Variants in UBE2W observed in about 807,000 individuals in gnomAD.
UBE2W encodes ubiquitin conjugating enzyme E2 W.
A neutral mutation model predicts 27.2 loss-of-function variants in UBE2W; 18 were observed. That is an observed-to-expected ratio of 0.66 (90% CI 0.46 to 0.98). UBE2W has a LOEUF of 0.98. Among genes scored for constraint, UBE2W ranks in the 50% least tolerant of loss-of-function variants. The pLI is 0.00. For synonymous variants in UBE2W, 53 were observed against 57.2 expected, an observed-to-expected ratio of 0.93 and a Z score of 0.33; for missense variants, 90 against 180.2, an observed-to-expected ratio of 0.50 and a Z score of 2.87.
intron 1 of UBE2W, chr8:73,870,399 A>T: frequency 8.4e-7 from 1 of 1,186,318 alleles, no homozygotes; most frequent in East Asian, 2.6e-5. Context: ...TCAGAAAAAA[A>T]AAAAAGACAA....
chr8:73,875,726 T>A (rs1271369858), intron 1 of UBE2W, among the ~76,000 whole-genome samples: 1 of 152,172 alleles, frequency 6.6e-6, no homozygotes, highest in Admixed American at 6.5e-5. Context: ...TTCCATGCTT[T>A]TTCTCCACTG....
chr8:73,860,934 A>AC (rs1329994809), intron 1 of UBE2W, among the ~76,000 whole-genome samples: 1 of 152,108 alleles, frequency 6.6e-6, no homozygotes, highest in African/African-American at 2.4e-5. Flanking sequence ...AGAGTTTGAG[A>AC]CCAACCTGGG....
Position 73,788,534 on chromosome 8 carries a change from T to C in UBE2W, c.*5568A>G. ...TGCCTTTACATAAACAATCTGTGGT[T>C]AACTATGAAAAGATGCATTTTCATG... On this transcript the variant is annotated 3_prime_UTR_variant, in exon 6 of 6. Transcript: ENST00000602593. 3.0e-6 allele frequency: 3 copies of C among 985,448 alleles called. No individual in the cohort carries two copies. The highest frequency in any genetic ancestry group is 3.6e-6 in the Non-Finnish European group (3 of 829,920). The allele number at this position is 985,448 out of a possible 1,614,324, so 61.0% of individuals were successfully genotyped here. A position where few individuals can be genotyped will look rare whatever the true frequency, so the allele number is the denominator to read the frequency against.
intron 1 of UBE2W, among the ~76,000 whole-genome samples, chr8:73,862,319 G>T (rs1811564537): frequency 6.6e-6 from 1 of 152,134 alleles, no homozygotes. Flanking sequence ...AATCCATCTT[G>T]AATTGATTTT....
chr8:73,785,616 C>T (rs542187556), downstream of UBE2W, among the ~76,000 whole-genome samples: 151 of 151,714 alleles, frequency 1.0e-3, no homozygotes, highest in African/African-American at 2.8e-3. Flanking sequence ...CTTTTAGAGA[C>T]GGAATCTCGC....
chr8:73,833,120 G>C (rs2130913146), intron 1 of UBE2W, among the ~76,000 whole-genome samples: 1 of 148,430 alleles, frequency 6.7e-6, no homozygotes, highest in East Asian at 2.0e-4. Context: ...GGGAGGCAGA[G>C]GTTGCAGTGA....
intron 1 of UBE2W, among the ~76,000 whole-genome samples, chr8:73,847,122 T>C (rs1039412144): frequency 1.1e-4 from 16 of 152,096 alleles, no homozygotes; most frequent in African/African-American, 2.7e-4. Context: ...TGAGCCAAGA[T>C]TGCGCCACCG....
Position 73,787,773 on chromosome 8 carries a change from G to A in UBE2W, c.*6329C>T, listed in dbSNP as rs1415918050. ...TCCAGAAAGCATCCAGAAGTTCTTA[G>A]AGTATGCCCTTAATTGTACAACTTG... On this transcript the variant is annotated 3_prime_UTR_variant, in exon 6 of 6. Coordinates refer to ENST00000602593, the MANE Select transcript of UBE2W (RefSeq NM_018299.6). 5 of 985,284 alleles carry A rather than the reference G, an allele frequency of 5.1e-6. No homozygotes were observed. In the African/African-American group the frequency reaches 8.7e-5, roughly 17 times the overall value. 61.0% of individuals were successfully genotyped at this position (985,284 alleles called of 1,614,324 possible). A position where few individuals can be genotyped will look rare whatever the true frequency, so the allele number is the denominator to read the frequency against.
Position 73,788,238 on chromosome 8 carries a change from T to G in UBE2W, c.*5864A>C. On this transcript the variant is annotated 3_prime_UTR_variant, in exon 6 of 6. Coordinates refer to ENST00000602593, the MANE Select transcript of UBE2W (RefSeq NM_018299.6). The stretch of plus-strand genomic sequence containing the variant: ...TATTAAAAAATATATAACATAGATT[T>G]GTCTGTTTTAACATTTATATTCTAT... The G allele has an allele frequency of 3.2e-6, 3 of 947,900 alleles. No homozygotes were observed. Among genetic ancestry groups the G allele is most frequent in the Non-Finnish European group, 3.8e-6 (3 of 795,896 alleles). The allele number at this position is 947,900 out of a possible 1,614,324, so 58.7% of individuals were successfully genotyped here.
intron 3 of UBE2W, among the ~76,000 whole-genome samples, chr8:73,814,611 T>C (rs1809310878): frequency 6.6e-6 from 1 of 152,152 alleles, no homozygotes; most frequent in Non-Finnish European, 1.5e-5. Context: ...CTCCATCTCC[T>C]GGGTTCATAT....
intron 5 of UBE2W, among the ~76,000 whole-genome samples, chr8:73,795,428 T>C (rs781057046): frequency 6.6e-5 from 10 of 152,114 alleles, no homozygotes; most frequent in Non-Finnish European, 1.3e-4. Flanking sequence ...CCACCATGAG[T>C]AAAAGCTTCC....
At position 73,789,024 on chromosome 8, in the gene UBE2W, A is replaced by G; in HGVS notation, c.*5078T>C. The G allele has an allele frequency of 1.0e-6, 1 of 983,812 alleles. No homozygotes were observed. Among genetic ancestry groups the G allele is most frequent in the Non-Finnish European group, 1.2e-6 (1 of 828,484 alleles). 60.9% of individuals were successfully genotyped at this position (983,812 alleles called of 1,614,324 possible). On this transcript the variant is annotated 3_prime_UTR_variant, in exon 6 of 6. Coordinates refer to ENST00000602593, the MANE Select transcript of UBE2W (RefSeq NM_018299.6). ...AGAGACTCATCACAAAATACAAGTC[A>G]CAATATTAACATATGAAAATTAAAA...
chr8:73,832,507 C>T (rs1810117273), intron 1 of UBE2W, among the ~76,000 whole-genome samples: 1 of 152,106 alleles, frequency 6.6e-6, no homozygotes, highest in Non-Finnish European at 1.5e-5. Context: ...TTTCGGTTCA[C>T]AAAACGAATC....
At chr8:73,782,291 C>T (rs1474105253), downstream of UBE2W, among the ~76,000 whole-genome samples, 1 of 151,806 alleles carries the variant, frequency 6.6e-6, no homozygotes, top group Non-Finnish European at 1.5e-5. Flanking sequence ...CAATAATCTA[C>T]AAATAAAGTG....
intron 5 of UBE2W, chr8:73,796,669 C>G (rs569475242): frequency 1.0e-6 from 1 of 984,702 alleles, no homozygotes; most frequent in Non-Finnish European, 1.2e-6. Context: ...CAGGGACTTG[C>G]GGGACTACGA....
chr8:73,822,210 A>AAGCAGTT (rs1809643734), intron 3 of UBE2W, among the ~76,000 whole-genome samples: 1 of 152,050 alleles, frequency 6.6e-6, no homozygotes, highest in African/African-American at 2.4e-5. Flanking sequence ...ATTCAGCGGG[A>AAGCAGTT]AGCAGTTAGA....
chr8:73,809,257 T>G (rs1642298635), intron 4 of UBE2W, among the ~76,000 whole-genome samples: 1 of 152,120 alleles, frequency 6.6e-6, no homozygotes, highest in African/African-American at 2.4e-5. Flanking sequence ...AGATTCTAAA[T>G]AACCTATCAT....
intron 1 of UBE2W, among the ~76,000 whole-genome samples, chr8:73,866,291 ATATATAT>A (rs1384287448): frequency 1.2e-3 from 54 of 44,688 alleles, no homozygotes; most frequent in African/African-American, 4.5e-3. Flanking sequence ...AAAAAAAAAA[ATATATAT>A]ATATATATAT....
rs572642016 is a variant in UBE2W at position 73,867,352 on chromosome 8, C to T, written c.15+11456G>A. Among the ~76,000 whole-genome samples, 21 of 152,124 alleles carry T rather than the reference C, an allele frequency of 1.4e-4. No homozygotes were observed. The East Asian group carries it at 3.1e-3, about 22-fold the overall frequency. ...GAGATAGAGACTATCCTGGCCAACA[C>T]GGTGAAACCCCATCTCTACTAAAAA... On this transcript the variant is annotated intron_variant, in intron 1 of 5. Coordinates refer to ENST00000602593, the MANE Select transcript of UBE2W (RefSeq NM_018299.6).
Sources: gnomAD v4.1 joint callset for allele counts (sites outside exome capture counted in the v4.1 genomes callset) on GRCh38, gnomAD v4.1.1 for gene constraint, MANE v1.5 for transcripts, NCBI Gene and HGNC (gene_info 2026-07-23, HGNC 2026-07-21) for gene names.